RANBP17: variants seen among roughly 807,000 people sequenced by gnomAD.
RANBP17 encodes the protein ran-binding protein 17.
A neutral mutation model predicts 141.2 loss-of-function variants in RANBP17; 158 were observed. The ratio of observed to expected loss-of-function variants is 1.12; its 90% CI spans 0.98 to 1.28. RANBP17 has a LOEUF of 1.28. Among genes scored for constraint, RANBP17 ranks in the 50% most tolerant of loss-of-function variants. The pLI is 0.00. For synonymous variants in RANBP17, 430 were observed against 450.0 expected (o/e 0.96, Z 0.56); for missense variants, 1,438 against 1,290.7 (o/e 1.11, Z -1.75).
At chr5:171,004,209 G>A (rs563993498) in intron 14 of RANBP17, among the ~76,000 whole-genome samples, 29 of 152,158 alleles carry the variant, frequency 1.9e-4, no homozygotes, top group African/African-American at 7.0e-4. Flanking sequence ...TTGCCAGGGA[G>A]GGAGTGGAGA....
intron 14 of RANBP17, among the ~76,000 whole-genome samples, chr5:171,137,571 G>GGTGTGTGTGTGTGT (rs757634108): frequency 4.1e-4 from 26 of 63,032 alleles, no homozygotes; most frequent in South Asian, 1.5e-3. Flanking sequence ...GTTGACTTGA[G>GGTGTGTGTGTGTGT]ATGTGTGTGT....
At chr5:171,194,838 C>T (rs1048833211) in intron 18 of RANBP17, among the ~76,000 whole-genome samples, 1 of 152,158 alleles carries the variant, frequency 6.6e-6, no homozygotes, top group African/African-American at 2.4e-5. Context: ...CATTTCCACC[C>T]CTGGAGGTTT....
chr5:171,268,137 A>G (rs1401844901), intron 25 of RANBP17, among the ~76,000 whole-genome samples: 2 of 152,216 alleles, frequency 1.3e-5, no homozygotes, highest in African/African-American at 2.4e-5. Flanking sequence ...TGCAAGAGCT[A>G]TTAAGATTCA....
At chr5:171,001,541 G>C (rs940575852) in intron 14 of RANBP17, among the ~76,000 whole-genome samples, 3 of 152,138 alleles carry the variant, frequency 2.0e-5, no homozygotes, top group Non-Finnish European at 4.4e-5. Flanking sequence ...TGTCCATGCA[G>C]GAGCTTAAAT....
chr5:171,204,855 A>C (rs971255309), intron 19 of RANBP17, among the ~76,000 whole-genome samples: 5 of 152,198 alleles, frequency 3.3e-5, no homozygotes, highest in Non-Finnish European at 7.3e-5. Context: ...CTCTGTGAGA[A>C]ATGCATTATT....
intron 14 of RANBP17, among the ~76,000 whole-genome samples, chr5:171,101,754 G>A (rs1375364382): frequency 1.3e-5 from 2 of 152,114 alleles, no homozygotes; most frequent in African/African-American, 2.4e-5. Flanking sequence ...TCCATATTTA[G>A]TGTTTCCTTC....
intron 23 of RANBP17, among the ~76,000 whole-genome samples, 162 bp downstream of exon 23, chr5:171,241,304 C>CTT (rs370226479): frequency 1.5e-5 from 2 of 133,620 alleles, no homozygotes; most frequent in Non-Finnish European, 1.6e-5. Context: ...ACTATAGTGG[C>CTT]TTTTTTTTTT....
chr5:171,076,943 G>A (rs1032516363), intron 14 of RANBP17, among the ~76,000 whole-genome samples: 4 of 152,160 alleles, frequency 2.6e-5, no homozygotes, highest in African/African-American at 9.7e-5. Context: ...ATAAATGAAG[G>A]AGGAAGGAAT....
At chr5:170,983,014 C>A in intron 14 of RANBP17, 1 of 440,842 alleles carries the variant, frequency 2.3e-6, no homozygotes, top group Non-Finnish European at 4.3e-6. Context: ...GAATAAAGAC[C>A]TTTTCACTCA....
chr5:171,240,152 T>A (rs1184619456), intron 22 of RANBP17, among the ~76,000 whole-genome samples: 1 of 149,922 alleles, frequency 6.7e-6, no homozygotes, highest in Non-Finnish European at 1.5e-5. Context: ...TATATTACTT[T>A]ATATTTTTTT....
At chr5:170,965,575 A>G (rs1351378862) in intron 13 of RANBP17, among the ~76,000 whole-genome samples, 2 of 152,244 alleles carry the variant, frequency 1.3e-5, no homozygotes, top group South Asian at 4.2e-4. Context: ...TAATTTTTGT[A>G]TAAGGTGTAA....
chr5:171,231,051 C>A (rs974034535), intron 22 of RANBP17, among the ~76,000 whole-genome samples: 5 of 150,904 alleles, frequency 3.3e-5, no homozygotes, highest in Non-Finnish European at 7.4e-5. Context: ...ATCCTCCTGC[C>A]TCAACTTCCT....
intron 3 of RANBP17, among the ~76,000 whole-genome samples, chr5:170,883,941 C>T (rs907711364): frequency 6.6e-6 from 1 of 152,150 alleles, no homozygotes; most frequent in Admixed American, 6.5e-5. Context: ...TGTGCCCAAA[C>T]ATTTTCAGCT....
At chr5:171,144,208 C>CA (rs2127817468) in intron 14 of RANBP17, among the ~76,000 whole-genome samples, 2 of 151,934 alleles carry the variant, frequency 1.3e-5, no homozygotes, top group East Asian at 3.9e-4. Flanking sequence ...ACCAAAAATA[C>CA]AAAAAATTAG....
chr5:171,293,659 G>C (rs1768641955), intron 25 of RANBP17, among the ~76,000 whole-genome samples: 1 of 152,190 alleles, frequency 6.6e-6, no homozygotes. Context: ...TCTCACCAAG[G>C]CTTTCAGAGG....
chr5:171,005,022 T>G (rs1291246329), intron 14 of RANBP17, among the ~76,000 whole-genome samples: 11 of 152,132 alleles, frequency 7.2e-5, no homozygotes, highest in African/African-American at 2.7e-4. Context: ...TTGTGTACCT[T>G]GAAGGTGAGG....
At chr5:170,975,696 C>G (rs941050854) in intron 14 of RANBP17, among the ~76,000 whole-genome samples, 25 of 152,180 alleles carry the variant, frequency 1.6e-4, no homozygotes, top group Admixed American at 1.4e-3. Flanking sequence ...CCCAAAGGCC[C>G]TCTCTCTTAA....
intron 14 of RANBP17, among the ~76,000 whole-genome samples, chr5:171,052,143 T>C (rs1202219123): frequency 6.6e-6 from 1 of 152,208 alleles, no homozygotes; most frequent in Non-Finnish European, 1.5e-5. Context: ...TTATACATTC[T>C]GGATATGAAA....
At chr5:171,033,434 T>C in intron 14 of RANBP17, among the ~76,000 whole-genome samples, 1 of 152,164 alleles carries the variant, frequency 6.6e-6, no homozygotes. Flanking sequence ...AAGAAAATCC[T>C]ACGACAGTAG....
Sources: allele counts gnomAD v4.1 joint callset (sites outside exome capture counted in the v4.1 genomes callset), GRCh38; gene constraint gnomAD v4.1.1; transcripts MANE v1.5; gene names NCBI Gene and HGNC (gene_info 2026-07-23, HGNC 2026-07-21).